TTLL5: variants seen among roughly 807,000 people sequenced by gnomAD.
TTLL5 encodes tubulin tyrosine ligase like 5.
A neutral mutation model predicts 168.4 loss-of-function variants in TTLL5; 132 were observed. The ratio of observed to expected loss-of-function variants is 0.78; its 90% CI spans 0.68 to 0.91. The LOEUF is 0.91. Ranked by LOEUF, TTLL5 falls within the 40% of genes least tolerant of loss-of-function variation. The probability of loss-of-function intolerance (pLI) is 0.00; values close to 1 mark genes in which losing one functional copy is unlikely to be tolerated. For missense variants in TTLL5, 1,545 were observed against 1,581.5 expected, an observed-to-expected ratio of 0.98 and a Z score of 0.39; for synonymous variants, 546 against 558.6, an observed-to-expected ratio of 0.98 and a Z score of 0.32.
At chr14:75,685,104 A>T (rs1884937528) in intron 5 of TTLL5, 3 of 152,064 alleles carry the variant, frequency 2.0e-5, no homozygotes, top group African/African-American at 7.2e-5. Context: ...GGTGTTGGCT[A>T]GGTGCAGCGG....
At chr14:75,926,793 T>C (rs2034086259) in intron 31 of TTLL5, among the ~76,000 whole-genome samples, 1 of 152,208 alleles carries the variant, frequency 6.6e-6, no homozygotes, top group African/African-American at 2.4e-5. Flanking sequence ...CATATGACCT[T>C]ACAGTTCCAC....
rs143613145 is a variant in TTLL5 at position 75,675,852 on chromosome 14, G to A, written c.182-5693G>A. ...AAGGAGACAGGGAGGGGGAAGGGAG[G>A]AATGAATGTTGTTATAAGGTTATTG... On this transcript the variant is annotated intron_variant, in intron 3 of 31. Coordinates refer to ENST00000298832, the MANE Select transcript of TTLL5 (RefSeq NM_015072.5). Among the ~76,000 whole-genome samples the A allele has an allele frequency of 6.0e-3, 909 of 152,186 alleles. 4 individuals are homozygous for A. The highest frequency in any genetic ancestry group is 0.01 in the Middle Eastern group (3 of 294).
At chr14:75,731,143 C>T (rs1426548655) in intron 12 of TTLL5, among the ~76,000 whole-genome samples, 4 of 151,982 alleles carry the variant, frequency 2.6e-5, no homozygotes, top group Admixed American at 2.6e-4. Flanking sequence ...TTTAAAAATC[C>T]TTCTTGAAGC....
At chr14:75,839,347 T>TC in intron 28 of TTLL5, among the ~76,000 whole-genome samples, 1 of 152,310 alleles carries the variant, frequency 6.6e-6, no homozygotes, top group African/African-American at 2.4e-5. Context: ...GCACAAGGGT[T>TC]CCAATTTTGC....
intron 28 of TTLL5, among the ~76,000 whole-genome samples, chr14:75,850,121 CTG>C (rs1460638173): frequency 2.6e-5 from 4 of 151,432 alleles, no homozygotes; most frequent in Non-Finnish European, 5.9e-5. Context: ...AAAAAAAAAT[CTG>C]GGGCCGGGCA....
At chr14:75,902,106 C>T (rs775274254) in intron 30 of TTLL5, 36 bp from the exon 31 acceptor site, 20 of 1,605,706 alleles carry the variant, frequency 1.2e-5, no homozygotes, top group South Asian at 4.4e-5. Flanking sequence ...CTCACCTTTC[C>T]GCCTGCAGGT....
intron 31 of TTLL5, among the ~76,000 whole-genome samples, chr14:75,949,860 G>GA (rs56006081): frequency 4.6e-4 from 63 of 138,028 alleles, no homozygotes; most frequent in South Asian, 6.9e-4. Flanking sequence ...CAAAAAAAAA[G>GA]AAAAAAAAAA....
At chr14:75,696,082 G>T (rs74533792) in intron 6 of TTLL5, among the ~76,000 whole-genome samples, 3,263 of 151,862 alleles carry the variant, frequency 0.021, 99 homozygotes, top group African/African-American at 0.062. Context: ...CATAGAGACA[G>T]TCTCAGTAGG....
At position 75,919,211 on chromosome 14, in the gene TTLL5, A is replaced by AAGG. The variant is rs1372627942; in HGVS notation, c.3823+16988_3823+16989insGGA. ...CAAGACCGTCTCAAAAAAAAAAAAA[A>AAGG]AAAAAAAAAAGGAAAAAGAAAAAGA... On this transcript the variant is annotated intron_variant, in intron 31 of 31. Transcript: ENST00000298832. Among the ~76,000 whole-genome samples, 490 of 150,420 alleles carry AAGG rather than the reference A, an allele frequency of 3.3e-3. 5 individuals are homozygous for AAGG. The highest frequency in any genetic ancestry group is 5.0e-3 in the Non-Finnish European group (340 of 67,536).
chr14:75,672,927 C>T (rs1033078971), intron 3 of TTLL5, among the ~76,000 whole-genome samples: 3 of 151,774 alleles, frequency 2.0e-5, no homozygotes, highest in Admixed American at 2.0e-4. Flanking sequence ...TTGTCAATTT[C>T]GTTGATCATT....
rs980417337 is a variant in TTLL5 at position 75,707,569 on chromosome 14, C to T, written c.656-54C>T. 2.5e-5 allele frequency: 38 copies of T among 1,518,128 alleles called. 1 individual carries two copies. Among genetic ancestry groups the T allele is most frequent in the African/African-American group, 2.5e-4 (18 of 72,338 alleles). 94.0% of individuals were successfully genotyped at this position (1,518,128 alleles called of 1,614,324 possible). On this transcript the variant is annotated intron_variant, in intron 8 of 31. Transcript: ENST00000298832. The stretch of plus-strand genomic sequence containing the variant: ...CTTGGTTTCGTTGTTTATTCTGTAA[C>T]AGGAAACAAATGAACTTAGTTTTTT...
At position 75,954,437 on chromosome 14, in the gene TTLL5, T is replaced by TA; in HGVS notation, c.3841dup (p.Ile1281AsnfsTer20). 6.2e-7 allele frequency: 1 copy of TA among 1,614,044 alleles called. No homozygotes were observed. Among genetic ancestry groups the TA allele is most frequent in the Non-Finnish European group, 8.5e-7 (1 of 1,180,014 alleles). ...TCTCTTTTTCAGATCCTGCTCACAC[T>TA]AAAATATGAACCACAAACACACAGA... On this transcript the variant is annotated frameshift_variant, in exon 32 of 32. Transcript: ENST00000298832. LOFTEE classifies it high-confidence loss of function.
At chr14:75,685,861 G>T (rs1298784548) in intron 5 of TTLL5, among the ~76,000 whole-genome samples, 18 of 152,184 alleles carry the variant, frequency 1.2e-4, no homozygotes, top group Admixed American at 1.2e-3. Flanking sequence ...AGCAGTTAGT[G>T]TGGGTCCTGG....
intron 28 of TTLL5, among the ~76,000 whole-genome samples, chr14:75,844,891 A>G (rs1431467159): frequency 1.3e-5 from 2 of 152,138 alleles, no homozygotes; most frequent in African/African-American, 2.4e-5. Context: ...TAACATTTCT[A>G]TTTCTGAATA....
intron 31 of TTLL5, among the ~76,000 whole-genome samples, chr14:75,916,706 T>C (rs973524989): frequency 5.9e-5 from 9 of 152,176 alleles, no homozygotes; most frequent in Non-Finnish European, 1.3e-4. Context: ...CCCAAAAGAA[T>C]TGAAAGCAGA....
At chr14:75,737,494 G>T in intron 15 of TTLL5, 3 of 1,444,680 alleles carry the variant, frequency 2.1e-6, no homozygotes, top group Non-Finnish European at 2.8e-6. Context: ...TTATATCATA[G>T]ATCTAGGAGA....
intron 6 of TTLL5, among the ~76,000 whole-genome samples, chr14:75,697,609 A>G (rs1388082918): frequency 6.6e-6 from 1 of 152,152 alleles, no homozygotes; most frequent in African/African-American, 2.4e-5. Flanking sequence ...AGAAAAGGAG[A>G]CAAGTAGTTG....
intron 1 of TTLL5, among the ~76,000 whole-genome samples, chr14:75,662,319 G>T (rs1478400500): frequency 6.7e-6 from 1 of 150,278 alleles, no homozygotes; most frequent in Non-Finnish European, 1.5e-5. Context: ...GTTGGCAGGG[G>T]TTTTTTGTTG....
chr14:75,902,036 G>A, intron 30 of TTLL5, 106 bp from the exon 31 acceptor site: 1 of 910,622 alleles, frequency 1.1e-6, no homozygotes, highest in Non-Finnish European at 1.8e-6. Flanking sequence ...GAGTGAATGA[G>A]CCACAGGAGA....
Sources: allele counts gnomAD v4.1 joint callset (sites outside exome capture counted in the v4.1 genomes callset), GRCh38; gene constraint gnomAD v4.1.1; transcripts MANE v1.5; gene names NCBI Gene and HGNC (gene_info 2026-07-23, HGNC 2026-07-21).